The following PDZK1 variants were observed in gnomAD, a reference collection of about 807,000 sequenced individuals.
PDZK1 encodes the protein PDZ domain containing 1.
Under a neutral mutation model 38.1 loss-of-function variants are expected in PDZK1, and 23 were observed. The observed-to-expected ratio is 0.60, with a 90% CI of 0.43 to 0.85. PDZK1 has a LOEUF of 0.85. Ranked by LOEUF, PDZK1 falls within the 40% of genes least tolerant of loss-of-function variation. The pLI is 0.00. For synonymous variants in PDZK1, 98 were observed against 186.2 expected, an observed-to-expected ratio of 0.53 and a Z score of 3.86; for missense variants, 297 against 504.3, an observed-to-expected ratio of 0.59 and a Z score of 3.94.
chr1:145,672,666 C>G, intron 8 of PDZK1, 64 bp downstream of exon 8: 3 of 1,590,618 alleles, frequency 1.9e-6, no homozygotes, highest in South Asian at 2.2e-5. Flanking sequence ...ATTAAATATA[C>G]TCATAGGGAC....
At chr1:145,680,199 C>G (rs2624761) in intron 5 of PDZK1, among the ~76,000 whole-genome samples, 8,392 of 151,528 alleles carry the variant, frequency 0.055, 771 homozygotes, top group African/African-American at 0.19. Flanking sequence ...TAGACTCCTT[C>G]ACTAAAGAAT....
chr1:145,692,935 C>A (rs587627168), intron 1 of PDZK1, among the ~76,000 whole-genome samples: 1 of 151,720 alleles, frequency 6.6e-6, no homozygotes, highest in Non-Finnish European at 1.5e-5. Context: ...CGCTTGAACC[C>A]GGGAGGTGGA....
intron 1 of PDZK1, among the ~76,000 whole-genome samples, chr1:145,694,683 G>C (rs1009928672): frequency 6.6e-6 from 1 of 151,684 alleles, no homozygotes; most frequent in Non-Finnish European, 1.5e-5. Flanking sequence ...CGGATCATGA[G>C]GTCAAGAGAT....
chr1:145,696,111 G>T (rs143288076), intron 1 of PDZK1, among the ~76,000 whole-genome samples: 1 of 152,176 alleles, frequency 6.6e-6, no homozygotes, highest in Non-Finnish European at 1.5e-5. Context: ...ATCCCCTGTC[G>T]CAGAGTGGCA....
downstream of PDZK1, chr1:145,670,939 A>AT (rs1486532565): frequency 6.6e-6 from 1 of 150,454 alleles, no homozygotes; most frequent in Non-Finnish European, 1.5e-5. Flanking sequence ...AGGTTAAAGC[A>AT]TAAAAAGTGA....
intron 1 of PDZK1, among the ~76,000 whole-genome samples, chr1:145,704,156 C>A (rs587656087): frequency 6.6e-6 from 1 of 152,256 alleles, no homozygotes; most frequent in East Asian, 1.9e-4. Flanking sequence ...GAGCAGGCAC[C>A]ACAGCCCCTT....
intron 1 of PDZK1, among the ~76,000 whole-genome samples, chr1:145,699,058 C>A (rs587696910): frequency 6.6e-6 from 1 of 151,852 alleles, no homozygotes; most frequent in Non-Finnish European, 1.5e-5. Context: ...GCCAACTTGG[C>A]GAAACCCTGT....
chr1:145,684,132 C>T (rs1654526713), intron 3 of PDZK1, among the ~76,000 whole-genome samples: 2 of 151,894 alleles, frequency 1.3e-5, no homozygotes, highest in South Asian at 4.2e-4. Flanking sequence ...CAGATATGAG[C>T]CACTGTGCCC....
At chr1:145,683,725 T>C (rs1553700894) in intron 3 of PDZK1, among the ~76,000 whole-genome samples, 1 of 152,174 alleles carries the variant, frequency 6.6e-6, no homozygotes, top group Admixed American at 6.6e-5. Flanking sequence ...GTTTAACTTA[T>C]AAATTAGGCA....
At chr1:145,695,986 A>G (rs1655605153) in intron 1 of PDZK1, among the ~76,000 whole-genome samples, 1 of 152,190 alleles carries the variant, frequency 6.6e-6, no homozygotes. Context: ...CAGGAGGAAC[A>G]ACAGGTGTGC....
chr1:145,675,240 TG>T (rs1476455936), intron 6 of PDZK1, among the ~76,000 whole-genome samples: 2 of 148,334 alleles, frequency 1.3e-5, no homozygotes, highest in East Asian at 3.9e-4. Flanking sequence ...CCTAACTGGC[TG>T]TTTTAGTTGA....
At chr1:145,690,330 G>A (rs1553702888) in intron 1 of PDZK1, among the ~76,000 whole-genome samples, 1 of 151,900 alleles carries the variant, frequency 6.6e-6, no homozygotes, top group Non-Finnish European at 1.5e-5. Flanking sequence ...CATTTCATAG[G>A]GCCAAAAGAC....
chr1:145,676,411 TG>T (rs1653674905), intron 6 of PDZK1, among the ~76,000 whole-genome samples: 2 of 151,944 alleles, frequency 1.3e-5, no homozygotes, highest in African/African-American at 4.8e-5. Context: ...ATGGCTTCTC[TG>T]GTCCTGTTGT....
intron 5 of PDZK1, among the ~76,000 whole-genome samples, chr1:145,679,769 GTTC>G (rs1400509932): frequency 2.0e-5 from 3 of 152,150 alleles, no homozygotes; most frequent in African/African-American, 4.8e-5. Flanking sequence ...GCTGGTTTTT[GTTC>G]TTCTCCCTTA....
intron 1 of PDZK1, 61 bp from the exon 2 acceptor site, chr1:145,688,084 C>T: frequency 2.2e-6 from 3 of 1,349,170 alleles, no homozygotes; most frequent in Middle Eastern, 1.9e-4. Context: ...GGAGTGAGAA[C>T]CCCATCCTCC....
At chr1:145,707,041 G>C (rs1553705844) in intron 1 of PDZK1, among the ~76,000 whole-genome samples, 9 of 152,054 alleles carry the variant, frequency 5.9e-5, no homozygotes, top group Non-Finnish European at 1.3e-4. Context: ...ACAACCCCGG[G>C]AAGGCTTTTT....
intron 1 of PDZK1, among the ~76,000 whole-genome samples, chr1:145,689,847 T>A (rs1655095851): frequency 6.6e-6 from 1 of 152,032 alleles, no homozygotes. Flanking sequence ...AAGATAGCCA[T>A]CCCTGACCTT....
At chr1:145,675,490 G>A (rs1314773512) in intron 6 of PDZK1, among the ~76,000 whole-genome samples, 1 of 141,506 alleles carries the variant, frequency 7.1e-6, no homozygotes, top group Non-Finnish European at 1.5e-5. Context: ...TCCTTTCTAA[G>A]TGAGAATACC....
chr1:145,699,062 AC>A (rs1316054882), intron 1 of PDZK1, among the ~76,000 whole-genome samples: 2 of 152,096 alleles, frequency 1.3e-5, no homozygotes, highest in East Asian at 1.9e-4. Flanking sequence ...ACTTGGCGAA[AC>A]CCTGTCTCTA....
Sources: gnomAD v4.1 joint callset for allele counts (sites outside exome capture counted in the v4.1 genomes callset) on GRCh38, gnomAD v4.1.1 for gene constraint, MANE v1.5 for transcripts, NCBI Gene and HGNC (gene_info 2026-07-23, HGNC 2026-07-21) for gene names.